The following SSPN variants were observed in gnomAD, a reference collection of about 807,000 sequenced individuals.
SSPN encodes the protein sarcospan.
SSPN carries 15 observed loss-of-function variants against 19.1 expected under a neutral mutation model. The observed-to-expected ratio is 0.78, with a 90% confidence interval of 0.52 to 1.21. The LOEUF (loss-of-function observed/expected upper bound fraction) is 1.21. Ranked by LOEUF, SSPN falls within the 50% of genes most tolerant of loss-of-function variation. The pLI is 0.00. For synonymous variants in SSPN, 147 were observed against 140.3 expected (o/e 1.05, Z -0.34); for missense variants, 291 against 314.0 (o/e 0.93, Z 0.55).
At chr12:26,188,464 G>A (rs1944767840) in intron 1 of SSPN, among the ~76,000 whole-genome samples, 1 of 152,308 alleles carries the variant, frequency 6.6e-6, no homozygotes, top group South Asian at 2.1e-4. Context: ...TAAAGAAGAG[G>A]ATTACTGGTC....
At chr12:26,145,731 T>C (rs1266605088) in intron 1 of SSPN, among the ~76,000 whole-genome samples, 1 of 152,158 alleles carries the variant, frequency 6.6e-6, no homozygotes, top group African/African-American at 2.4e-5. Context: ...TCAGATTGGG[T>C]ACTGGTGGAG....
At chr12:26,134,378 A>G (rs781587106) in intron 1 of SSPN, among the ~76,000 whole-genome samples, 10 of 152,160 alleles carry the variant, frequency 6.6e-5, no homozygotes, top group African/African-American at 1.2e-4. Context: ...GTCTCCTTCT[A>G]TCAGCTCCCT....
In SSPN at chr12:26,185,221, A is replaced by G. The variant is rs762254460; in HGVS notation, c.-30-39072A>G. Among the ~76,000 whole-genome samples the G allele has an allele frequency of 2.6e-4, 40 of 152,312 alleles. No individual in the cohort carries two copies. The Middle Eastern group carries it at 0.01, about 39-fold the overall frequency. On this transcript the variant is annotated intron_variant, in intron 1 of 2. Coordinates refer to the SSPN transcript ENST00000538142. ...CATTCTTTCTTTAGTTCATTCAATAAACATTTATTGAGTGCCTAATATTGC... is the reference window on the plus strand; with the variant it reads ...CATTCTTTCTTTAGTTCATTCAATAGACATTTATTGAGTGCCTAATATTGC...
At chr12:26,198,568 C>T (rs1411233926) in intron 1 of SSPN, among the ~76,000 whole-genome samples, 4 of 152,204 alleles carry the variant, frequency 2.6e-5, no homozygotes, top group African/African-American at 9.6e-5. Context: ...CAGTCACAGG[C>T]AGTGTCACTC....
chr12:26,195,836 T>C lies in SSPN; in HGVS notation c.164T>C (p.Leu55Pro). 6.5e-7 allele frequency: 1 copy of C among 1,540,854 alleles called. No homozygotes were observed. Among genetic ancestry groups the C allele is most frequent in the Non-Finnish European group, 8.7e-7 (1 of 1,147,496 alleles). ...RTCCGCRFPL[L>P]LALLQLALGI... ...TGCTGCGGCTGCCGGTTCCCGCTGC[T>C]GCTCGCCCTGCTGCAGCTGGCCCTG... The change falls in exon 1 of 3, where the codon CTG becomes CCG. Residue 55 changes from leucine (L) to proline (P), a missense_variant. Physicochemically the swap from Leu to Pro is moderately conservative, Grantham distance 98. Coordinates refer to ENST00000242729, the MANE Select transcript of SSPN (RefSeq NM_005086.5).
At chr12:26,172,766 T>A (rs978297251) in intron 1 of SSPN, among the ~76,000 whole-genome samples, 5 of 151,358 alleles carry the variant, frequency 3.3e-5, no homozygotes, top group Admixed American at 6.6e-5. Flanking sequence ...ACTTTCTCTC[T>A]CTTTTTTTTT....
rs369295187 is a variant in SSPN, at chr12:26,158,825, AAG to A, written c.-31+36674_-31+36675del. Among the ~76,000 whole-genome samples the A allele has an allele frequency of 3.9e-3, 587 of 152,364 alleles. 1 individual carries two copies. Among genetic ancestry groups the A allele is most frequent in the Non-Finnish European group, 6.8e-3 (463 of 68,026 alleles). ...GTGAGTCTCAGCTGAATGCTAGTAC[AAG>A]GTTGGCCTCATACCATGGGCAGGAC... On this transcript the variant is annotated intron_variant, in intron 1 of 2. Transcript: ENST00000538142.
At chr12:26,229,362 G>A (rs1945207643) in intron 2 of SSPN, among the ~76,000 whole-genome samples, 1 of 152,116 alleles carries the variant, frequency 6.6e-6, no homozygotes, top group Non-Finnish European at 1.5e-5. Flanking sequence ...CCAGCAACCA[G>A]TATGTACACC....
intron 1 of SSPN, among the ~76,000 whole-genome samples, chr12:26,175,133 G>A (rs187888426): frequency 8.5e-5 from 13 of 152,276 alleles, no homozygotes; most frequent in South Asian, 2.1e-4. Flanking sequence ...ACTCTTTTCC[G>A]AAGTGGGTGT....
intron 1 of SSPN, among the ~76,000 whole-genome samples, chr12:26,173,300 G>A (rs1256532812): frequency 6.6e-6 from 1 of 152,208 alleles, no homozygotes; most frequent in African/African-American, 2.4e-5. Flanking sequence ...GCATTTAAGA[G>A]TGGAAGTAGT....
chr12:26,160,132 T>C (rs1469205001), intron 1 of SSPN, among the ~76,000 whole-genome samples: 1 of 152,210 alleles, frequency 6.6e-6, no homozygotes, highest in Non-Finnish European at 1.5e-5. Flanking sequence ...ACCAGATCTG[T>C]CCTGGTTGGA....
intron 1 of SSPN, among the ~76,000 whole-genome samples, chr12:26,202,607 A>C (rs1408521294): frequency 1.3e-5 from 2 of 152,210 alleles, no homozygotes; most frequent in Non-Finnish European, 2.9e-5. Context: ...TTGGTCTAAC[A>C]GTTGAATAGA....
At chr12:26,146,535 T>C (rs902924264) in intron 1 of SSPN, among the ~76,000 whole-genome samples, 1 of 152,184 alleles carries the variant, frequency 6.6e-6, no homozygotes, top group African/African-American at 2.4e-5. Flanking sequence ...ACACCACAAC[T>C]GGGACTCAAC....
At chr12:26,125,140 G>A in intron 1 of SSPN, 1 of 386,382 alleles carries the variant, frequency 2.6e-6, no homozygotes, top group East Asian at 5.7e-5. Context: ...GAGGGGCCGG[G>A]CCGGGCGGGG....
chr12:26,147,982 T>G (rs369605379), intron 1 of SSPN, among the ~76,000 whole-genome samples: 14 of 152,260 alleles, frequency 9.2e-5, no homozygotes, highest in African/African-American at 2.9e-4. Context: ...TAATATTTAT[T>G]TAATGAATTT....
intron 1 of SSPN, among the ~76,000 whole-genome samples, chr12:26,137,685 G>C (rs557377118): frequency 1.9e-5 from 1 of 51,410 alleles, no homozygotes; most frequent in African/African-American, 8.4e-5. Context: ...TTTTTTTTGA[G>C]ATGGAGTCTT....
chr12:26,151,492 T>C (rs1261611643), intron 1 of SSPN, among the ~76,000 whole-genome samples: 1 of 152,180 alleles, frequency 6.6e-6, no homozygotes, highest in South Asian at 2.1e-4. Context: ...CCCTTTCACA[T>C]ACATTTTTTG....
chr12:26,167,792 TG>T (rs1360779647), intron 1 of SSPN, among the ~76,000 whole-genome samples: 1 of 152,228 alleles, frequency 6.6e-6, no homozygotes, highest in African/African-American at 2.4e-5. Flanking sequence ...CTGAACACCC[TG>T]TTCCTCCCCA....
chr12:26,185,314 G>A (rs1944746048), intron 1 of SSPN, among the ~76,000 whole-genome samples: 1 of 152,116 alleles, frequency 6.6e-6, no homozygotes, highest in Non-Finnish European at 1.5e-5. Flanking sequence ...CTTGCTTATG[G>A]ACAAAAAAAC....
Sources: gnomAD v4.1 joint callset for allele counts (sites outside exome capture counted in the v4.1 genomes callset) on GRCh38, gnomAD v4.1.1 for gene constraint, MANE v1.5 for transcripts, NCBI Gene and HGNC (gene_info 2026-07-23, HGNC 2026-07-21) for gene names.